Variants in NMRAL1 observed in about 807,000 individuals in gnomAD.
NMRAL1 encodes nmrA-like family domain-containing protein 1.
In NMRAL1, 32 loss-of-function variants were observed where a neutral mutation model predicts 27.5. The ratio of observed to expected loss-of-function variants is 1.16; its 90% confidence interval spans 0.88 to 1.56. NMRAL1 has a LOEUF of 1.56. Among genes scored for constraint, NMRAL1 ranks in the 40% most tolerant of loss-of-function variants. NMRAL1 has a pLI of 0.00. For missense variants in NMRAL1, 420 were observed against 392.0 expected (o/e 1.07, Z -0.60); for synonymous variants, 166 against 166.8 (o/e 1.00, Z 0.04).
chr16:4,467,186 A>C (rs888169825), intron 3 of NMRAL1: 1 of 152,186 alleles, frequency 6.6e-6, no homozygotes, highest in African/African-American at 2.4e-5. Flanking sequence ...GAACACCTGG[A>C]GCCATGAGAA....
upstream of NMRAL1, chr16:4,474,714 C>T (rs2141479450): frequency 6.5e-6 from 1 of 153,290 alleles, no homozygotes; most frequent in African/African-American, 2.4e-5. Flanking sequence ...CAGGCACGTG[C>T]ACAGTGAGTT....
At chr16:4,462,362 C>T (rs994107518) in intron 5 of NMRAL1, among the ~76,000 whole-genome samples, 1 of 152,058 alleles carries the variant, frequency 6.6e-6, no homozygotes, top group Non-Finnish European at 1.5e-5. Context: ...CGTGTAATCC[C>T]AGCTACTTAG....
In NMRAL1 at chr16:4,472,973, C is replaced by CTT. The variant is rs768092791; in HGVS notation, c.40+1118_40+1119dup. Among the ~76,000 whole-genome samples, 67 of 119,690 alleles carry CTT rather than the reference C, an allele frequency of 5.6e-4. 2 individuals are homozygous for CTT. The highest frequency in any genetic ancestry group is 1.1e-3 in the African/African-American group (33 of 31,252). The allele number at this position is 119,690 out of a possible 152,430, so 78.5% of individuals were successfully genotyped here. On this transcript the variant is annotated intron_variant, in intron 2 of 5. Transcript: ENST00000283429. The stretch of plus-strand genomic sequence containing the variant: ...TAACTGTTCACGGGTTCATGGAGTT[C>CTT]TTTTTTTTTTTTTTTTTTTTGAGAT...
At chr16:4,468,079 C>T (rs925652500) in intron 3 of NMRAL1, among the ~76,000 whole-genome samples, 1 of 151,886 alleles carries the variant, frequency 6.6e-6, no homozygotes, top group East Asian at 2.0e-4. Context: ...GCAGGCGGAT[C>T]GCCTGAGGCC....
chr16:4,472,714 T>C (rs1330749625), intron 2 of NMRAL1, among the ~76,000 whole-genome samples: 2 of 143,590 alleles, frequency 1.4e-5, no homozygotes, highest in Non-Finnish European at 3.0e-5. Flanking sequence ...ACTGCACTGC[T>C]GCCTGGGCAA....
chr16:4,475,047 G>T (rs918656533), upstream of NMRAL1, among the ~76,000 whole-genome samples: 5 of 151,986 alleles, frequency 3.3e-5, no homozygotes, highest in East Asian at 1.9e-4. Context: ...CGCCCCCCGG[G>T]TTCAAGAGAT....
upstream of NMRAL1, among the ~76,000 whole-genome samples, chr16:4,475,640 G>A (rs149882911): frequency 8.4e-4 from 128 of 151,844 alleles, 1 homozygote; most frequent in African/African-American, 3.1e-3. Context: ...TTTGTGTTCA[G>A]TAAAACTAAA....
chr16:4,467,892 T>A (rs1327478871), intron 3 of NMRAL1, among the ~76,000 whole-genome samples: 1 of 151,864 alleles, frequency 6.6e-6, no homozygotes, highest in Admixed American at 6.6e-5. Context: ...AGTGTGGGGA[T>A]TACAAGCATG....
At chr16:4,465,283 G>T (rs189839481) in intron 4 of NMRAL1, among the ~76,000 whole-genome samples, 45 of 152,298 alleles carry the variant, frequency 3.0e-4, no homozygotes, top group Admixed American at 2.9e-3. Context: ...CGCCAGGTGA[G>T]CAGGACTCCC....
intron 5 of NMRAL1, chr16:4,463,273 C>T (rs114716796): frequency 1.1e-4 from 31 of 272,592 alleles, no homozygotes; most frequent in African/African-American, 7.0e-4. Flanking sequence ...CCAATGGGGG[C>T]AGGGGTCGGC....
Position 4,461,864 on chromosome 16 carries a change from G to A in NMRAL1, c.816C>T (p.Ile272=), listed in dbSNP as rs370619031. Residue 272 remains isoleucine, a synonymous_variant, in exon 6 of 6, where the codon ATC becomes ATT. Coordinates refer to ENST00000283429, the MANE Select transcript of NMRAL1 (RefSeq NM_020677.6). The stretch of plus-strand genomic sequence containing the variant: ...TGGGGTTGAGTCTCAGGGTCAGCTC[G>A]ATGTCACGGTCGGGTCTCAGGGCAT... ...RFYALRPDRD[I]ELTLRLNPKA... is the part of the protein sequence containing the mutation. 6.8e-6 allele frequency: 11 copies of A among 1,614,086 alleles called. No individual in the cohort carries two copies. The highest frequency in any genetic ancestry group is 5.3e-5 in the African/African-American group (4 of 74,936).
intron 5 of NMRAL1, 98 bp from the exon 6 acceptor site, chr16:4,462,057 C>CA (rs2141411167): frequency 1.1e-6 from 1 of 927,038 alleles, no homozygotes; most frequent in Non-Finnish European, 1.7e-6. Context: ...CGACCTGCTA[C>CA]ACCCAGAGCC....
chr16:4,469,652 C>G, intron 2 of NMRAL1, 187 bp from the exon 3 acceptor site: 3 of 1,234,040 alleles, frequency 2.4e-6, no homozygotes, highest in Non-Finnish European at 3.3e-6. Flanking sequence ...CTCTATCACC[C>G]AGGCTGAAGT....
In NMRAL1 at chr16:4,461,979, T is replaced by C; in HGVS notation, c.721-20A>G. 6.3e-6 allele frequency: 10 copies of C among 1,598,972 alleles called. No homozygotes were observed. Among genetic ancestry groups the C allele is most frequent in the South Asian group, 1.1e-5 (1 of 89,018 alleles). ...AGTCATCTGGAAGCAGAGGAGCCTG[T>C]CGTGGCCGGCGTCCTCCAGTGCCCC... On this transcript the variant is annotated intron_variant, in intron 5 of 5. Transcript: ENST00000283429.
intron 3 of NMRAL1, among the ~76,000 whole-genome samples, chr16:4,468,073 G>A (rs1334727355): frequency 1.3e-5 from 2 of 151,920 alleles, no homozygotes; most frequent in Non-Finnish European, 2.9e-5. Flanking sequence ...GCCGAGGCAG[G>A]CGGATCGCCT....
intron 4 of NMRAL1, among the ~76,000 whole-genome samples, chr16:4,464,692 A>G (rs1383253319): frequency 7.3e-6 from 1 of 136,850 alleles, no homozygotes. Flanking sequence ...TTGGCTCACC[A>G]CAAGCTCCAC....
intron 2 of NMRAL1, among the ~76,000 whole-genome samples, chr16:4,473,793 G>A (rs1834894052): frequency 6.6e-6 from 1 of 152,034 alleles, no homozygotes. Context: ...GGGCGTGGTG[G>A]CATGCCCTTG....
At chr16:4,465,588 C>A (rs895299675) in intron 4 of NMRAL1, among the ~76,000 whole-genome samples, 5 of 152,032 alleles carry the variant, frequency 3.3e-5, no homozygotes, top group African/African-American at 1.2e-4. Context: ...TGTTTTGAGA[C>A]GGAGTGTTGC....
chr16:4,463,364 T>C, intron 5 of NMRAL1: 1 of 483,230 alleles, frequency 2.1e-6, no homozygotes, highest in Non-Finnish European at 3.6e-6. Context: ...TCTTTTCTCT[T>C]CAAATTCCCT....
Sources: allele counts gnomAD v4.1 joint callset (sites outside exome capture counted in the v4.1 genomes callset), GRCh38; gene constraint gnomAD v4.1.1; transcripts MANE v1.5; gene names NCBI Gene and HGNC (gene_info 2026-07-23, HGNC 2026-07-21).